Variants in MAN2B1 observed in about 807,000 individuals in gnomAD.
MAN2B1 encodes mannosidase alpha class 2B member 1, also known as lysosomal alpha-mannosidase.
Under a neutral mutation model 127.5 loss-of-function variants are expected in MAN2B1, and 99 were observed. The observed-to-expected ratio is 0.78, with a 90% CI of 0.66 to 0.92. The LOEUF is 0.92. Among genes scored for constraint, MAN2B1 ranks in the 40% least tolerant of loss-of-function variants. MAN2B1 has a pLI of 0.00. For synonymous variants in MAN2B1, 573 were observed against 568.8 expected (o/e 1.01, Z -0.11); for missense variants, 1,304 against 1,384.8 (o/e 0.94, Z 0.93).
rs1188010499 is a variant in MAN2B1, at chr19:12,656,592, A to G, written c.1623T>C (p.Asn541=). ...TCACATCGCTGGGCACTGTCCTGCC[A>G]TTGGGGTCCTTCACAACGAAAACGC... ...SEGVFVVKDP[N]GRTVPSDVVI... The change falls in exon 13 of 24, where the codon AAT becomes AAC. Residue 541 remains asparagine (N), a synonymous_variant. Transcript: ENST00000456935. 9 of 1,613,552 alleles carry G rather than the reference A, an allele frequency of 5.6e-6. No individual in the cohort carries two copies. Among genetic ancestry groups the G allele is most frequent in the African/African-American group, 1.3e-5 (1 of 74,844 alleles).
chr19:12,660,623 A>G (rs1722704606), intron 7 of MAN2B1, among the ~76,000 whole-genome samples: 1 of 152,136 alleles, frequency 6.6e-6, no homozygotes, highest in Admixed American at 6.6e-5. Flanking sequence ...TGGAGCCAAG[A>G]ATAGATTTTG....
chr19:12,657,929 T>C, intron 10 of MAN2B1, 134 bp downstream of exon 10: 1 of 806,748 alleles, frequency 1.2e-6, no homozygotes, highest in Non-Finnish European at 1.9e-6. Flanking sequence ...CACTCCAGCC[T>C]GGGAGACAAA....
intron 23 of MAN2B1, 61 bp from the exon 24 acceptor site, chr19:12,646,793 C>T (rs764679906): frequency 5.2e-5 from 61 of 1,179,206 alleles, no homozygotes; most frequent in Non-Finnish European, 6.9e-5. Context: ...ACTCACCCCA[C>T]GATGCTTCCT....
intron 2 of MAN2B1, 22 bp from the exon 3 acceptor site, chr19:12,665,547 C>T (rs749286705): frequency 1.3e-5 from 21 of 1,613,838 alleles, no homozygotes; most frequent in Non-Finnish European, 1.8e-5. Context: ...AGGGATAAGG[C>T]TCTCAGGGAA....
chr19:12,662,480 C>T (rs921479856), intron 6 of MAN2B1, among the ~76,000 whole-genome samples: 1 of 151,606 alleles, frequency 6.6e-6, no homozygotes, highest in Non-Finnish European at 1.5e-5. Context: ...AGACATAAAA[C>T]TTAGCCGAGC....
At position 12,666,555 on chromosome 19, in the gene MAN2B1, G is replaced by T. The variant is rs1413927578; in HGVS notation, c.147C>A (p.Ala49=). 5.7e-6 allele frequency: 9 copies of T among 1,585,324 alleles called. No individual in the cohort carries two copies. Among genetic ancestry groups the T allele is most frequent in the South Asian group, 1.1e-5 (1 of 87,472 alleles). ...AGGCCCCACTCACCTCGTATCCCCC[G>T]GCCCGAGCACCGGCAGCCGCCAGCA... ...LLLLAAAGAR[A]GGYETCPTVQ... Residue 49 remains alanine (A), a synonymous_variant, in exon 1 of 24, where the codon GCC becomes GCA. Transcript: ENST00000456935.
chr19:12,665,224 G>A (rs878936648), intron 3 of MAN2B1, 128 bp downstream of exon 3: 1 of 1,245,602 alleles, frequency 8.0e-7, no homozygotes, highest in Non-Finnish European at 1.2e-6. Context: ...CAAATGGAGA[G>A]TCCAGGCAGG....
At position 12,658,494 on chromosome 19, in the gene MAN2B1, C is replaced by A; in HGVS notation, c.1043G>T (p.Ser348Ile). 6.2e-7 allele frequency: 1 copy of A among 1,614,204 alleles called. No homozygotes were observed. Among genetic ancestry groups the A allele is most frequent in the Non-Finnish European group, 8.5e-7 (1 of 1,180,036 alleles). ...GGGGGTGGAGTAGAGAACATGGACA[C>A]TGCTTCCTTTTGCCTGCTGCTGGGG... is the stretch of plus-strand genomic sequence containing the variant. ...LVNAQQAKGSSVHVLYSTPAC... is the reference protein window; with the variant it reads ...LVNAQQAKGSIVHVLYSTPAC... Residue 348 changes from serine to isoleucine, a missense_variant, in exon 8 of 24, where the codon AGT becomes ATT. Coordinates refer to ENST00000456935, the MANE Select transcript of MAN2B1 (RefSeq NM_000528.4).
rs1390100955 is a variant in MAN2B1 at position 12,647,679 on chromosome 19, C to T, written c.2665-81G>A. ...GGCGGGGCCGAGCCAGGTCAGGAGG[C>T]AGGGCTAGGTTGTAGGGGCGGGGTT... On this transcript the variant is annotated intron_variant, in intron 21 of 23. Transcript: ENST00000456935. This position sits in a 1 kb window ranked among gnomAD's most constrained non-coding sequence, Gnocchi z 4.9. The T allele has an allele frequency of 7.8e-7, 1 of 1,282,148 alleles. No homozygotes were observed. 79.4% of individuals were successfully genotyped at this position (1,282,148 alleles called of 1,614,324 possible).
chr19:12,665,682 C>T (rs2024216223), intron 2 of MAN2B1, 21 bp downstream of exon 2: 2 of 1,606,890 alleles, frequency 1.2e-6, no homozygotes, highest in East Asian at 2.2e-5. Flanking sequence ...TCCCAGGGAC[C>T]AGTCCCCATC....
intron 10 of MAN2B1, 140 bp from the exon 11 acceptor site, chr19:12,657,695 A>C: frequency 1.3e-6 from 1 of 775,228 alleles, no homozygotes; most frequent in Admixed American, 2.0e-5. Context: ...GCGGTGGCTC[A>C]CGCCTGTAAT....
Position 12,655,811 on chromosome 19 carries a change from G to A in MAN2B1, c.1713C>T (p.Pro571=), listed in dbSNP as rs747081586. ...PPELLFSASL[P]ALGFSTYSVA... ...CTGAATAGGTGCTGAAGCCCAGGGC[G>A]GGCAGTGAGGCTGAGAACAGCAGCT... The change falls in exon 14 of 24, where the codon CCC becomes CCT. Residue 571 remains proline, a synonymous_variant. Coordinates refer to ENST00000456935, the MANE Select transcript of MAN2B1 (RefSeq NM_000528.4). 9 of 1,613,208 alleles carry A rather than the reference G, an allele frequency of 5.6e-6. No individual in the cohort carries two copies. Among genetic ancestry groups the A allele is most frequent in the Middle Eastern group, 1.6e-4 (1 of 6,072 alleles).
In MAN2B1 at chr19:12,646,605, C is replaced by A. The variant is rs1487412992; in HGVS notation, c.*15G>T. On this transcript the variant is annotated 3_prime_UTR_variant, in exon 24 of 24. Coordinates refer to ENST00000456935, the MANE Select transcript of MAN2B1 (RefSeq NM_000528.4). ...GAGCAGGAGGCTTGGGCTTGGAGGG[C>A]CCATCCCAGCAGACCTAACCATCCA... 4.4e-6 allele frequency: 7 copies of A among 1,584,564 alleles called. No individual in the cohort carries two copies. The Admixed American group carries it at 1.0e-4, about 23-fold the overall frequency.
At chr19:12,665,146 C>T in intron 3 of MAN2B1, 161 bp from the exon 4 acceptor site, 1 of 1,016,056 alleles carries the variant, frequency 9.8e-7, no homozygotes, top group East Asian at 2.4e-5. Flanking sequence ...GGAAAGAGGC[C>T]CCCTGCATGG....
At chr19:12,656,226 A>T (rs1408595644) in intron 13 of MAN2B1, 7 of 439,146 alleles carry the variant, frequency 1.6e-5, no homozygotes, top group Non-Finnish European at 1.7e-5. Context: ...TTTCCTGGGG[A>T]AGCGGGGTAT....
rs747819823 is a variant in MAN2B1 at position 12,665,881 on chromosome 19, A to G, written c.160-76T>C. 5 of 1,171,400 alleles carry G rather than the reference A, an allele frequency of 4.3e-6. No homozygotes were observed. In the Admixed American group the frequency reaches 7.3e-5, roughly 17 times the overall value. The allele number at this position is 1,171,400 out of a possible 1,614,324, so 72.6% of individuals were successfully genotyped here. ...GGGGCTGCAGAGTAAGTCTTGATCTAGAGGTGAGTGACTCAGAGAGGCCTG... is the reference window on the plus strand; with the variant it reads ...GGGGCTGCAGAGTAAGTCTTGATCTGGAGGTGAGTGACTCAGAGAGGCCTG... On this transcript the variant is annotated intron_variant, in intron 1 of 23. Transcript: ENST00000456935.
chr19:12,655,550 T>C (rs2023934353), intron 14 of MAN2B1, 144 bp downstream of exon 14: 1 of 792,974 alleles, frequency 1.3e-6, no homozygotes, highest in Non-Finnish European at 2.0e-6. Context: ...CAGACAAAGG[T>C]CACTTGCTCA....
chr19:12,656,659 C>T lies in MAN2B1; in HGVS notation c.1556G>A (p.Gly519Glu), dbSNP rs2023967773. 2 of 1,613,818 alleles carry T rather than the reference C, an allele frequency of 1.2e-6. No homozygotes were observed. The highest frequency in any genetic ancestry group is 8.5e-7 in the Non-Finnish European group (1 of 1,179,920). ...CCGTACCATCCAATTCACCTTCCGC[C>T]CCAGGGGATTATAAACGATGACCTG... The part of the protein sequence containing the change: ...RFQVIVYNPL[G>E]RKVNWMVRLP... The change falls in exon 13 of 24, where the codon GGG becomes GAG. Residue 519 changes from glycine to glutamate, a missense_variant. Transcript: ENST00000456935.
chr19:12,663,366 T>C lies in MAN2B1; in HGVS notation c.860A>G (p.Tyr287Cys). The change falls in exon 6 of 24, where the codon TAC becomes TGC. Residue 287 changes from tyrosine (Y) to cysteine (C), a missense_variant. Physicochemically the swap from Tyr to Cys is radical, Grantham distance 194. Coordinates refer to ENST00000456935, the MANE Select transcript of MAN2B1 (RefSeq NM_000528.4). ...PLVEDPRSPE[Y>C]NAKELVDYFL... ...GTAATCGACCAGCTCCTTGGCGTTG[T>C]ACTCGGGGCTGCGAGGGTCCTCCAC... 2 of 1,614,114 alleles carry C rather than the reference T, an allele frequency of 1.2e-6. No individual in the cohort carries two copies. Among genetic ancestry groups the C allele is most frequent in the Non-Finnish European group, 1.7e-6 (2 of 1,179,990 alleles).
Sources: allele counts gnomAD v4.1 joint callset (sites outside exome capture counted in the v4.1 genomes callset), GRCh38; gene constraint gnomAD v4.1.1; non-coding constraint Gnocchi (gnomAD v3.1); transcripts MANE v1.5; gene names NCBI Gene and HGNC (gene_info 2026-07-23, HGNC 2026-07-21).